The following PLSCR2 variants were observed in gnomAD, a reference collection of about 807,000 sequenced individuals.
The protein encoded by PLSCR2 is PL scramblase 2.
PLSCR2 carries 18 observed loss-of-function variants against 25.3 expected under a neutral mutation model. The ratio of observed to expected loss-of-function variants is 0.71; its 90% CI spans 0.49 to 1.06. PLSCR2 has a LOEUF of 1.06. Among genes scored for constraint, PLSCR2 ranks in the 50% least tolerant of loss-of-function variants. The pLI, the probability that PLSCR2 is intolerant of heterozygous loss-of-function variation, is 0.00. For synonymous variants in PLSCR2, 88 were observed against 87.3 expected, an observed-to-expected ratio of 1.01 and a Z score of -0.04; for missense variants, 243 against 269.5, an observed-to-expected ratio of 0.90 and a Z score of 0.69.
At chr3:146,393,721 A>G (rs1051930950) in intron 3 of PLSCR2, among the ~76,000 whole-genome samples, 1 of 146,976 alleles carries the variant, frequency 6.8e-6, no homozygotes, top group African/African-American at 2.5e-5. Flanking sequence ...AGGCAGGAGA[A>G]TCGCTTGAAC....
intron 2 of PLSCR2, among the ~76,000 whole-genome samples, chr3:146,406,661 G>A (rs1371563844): frequency 1.3e-5 from 2 of 152,148 alleles, no homozygotes; most frequent in Non-Finnish European, 2.9e-5. Flanking sequence ...CTAGGCCTGG[G>A]GACCTATGTT....
chr3:146,486,900 A>G (rs519729), intron 1 of PLSCR2, among the ~76,000 whole-genome samples: 54,992 of 151,902 alleles, frequency 0.36, 10,440 homozygotes, highest in African/African-American at 0.49. Flanking sequence ...GATGAACATC[A>G]AGGCTAAAAT....
chr3:146,435,647 A>G (rs964970588), intron 8 of PLSCR2, among the ~76,000 whole-genome samples: 3 of 152,070 alleles, frequency 2.0e-5, no homozygotes, highest in Non-Finnish European at 4.4e-5. Flanking sequence ...AATTTGTTTA[A>G]GTTCTTTGTA....
intron 8 of PLSCR2, among the ~76,000 whole-genome samples, chr3:146,434,692 C>T (rs13068178): frequency 0.59 from 89,538 of 151,828 alleles, 26,666 homozygotes; most frequent in South Asian, 0.76. Flanking sequence ...AGTCATTTCA[C>T]TTTGTTTTAT....
chr3:146,401,652 T>C (rs115228817), intron 2 of PLSCR2: 18 of 152,580 alleles, frequency 1.2e-4, no homozygotes, highest in African/African-American at 4.1e-4. Context: ...GGAAATTATA[T>C]TGGATAATAA....
At chr3:146,411,720 G>T (rs1327562317) in intron 2 of PLSCR2, among the ~76,000 whole-genome samples, 1 of 152,186 alleles carries the variant, frequency 6.6e-6, no homozygotes, top group Non-Finnish European at 1.5e-5. Context: ...CCGAAGAAGG[G>T]GCTAGATTTT....
intron 8 of PLSCR2, among the ~76,000 whole-genome samples, chr3:146,435,599 G>A (rs189292785): frequency 0.012 from 1,825 of 152,180 alleles, 19 homozygotes; most frequent in Non-Finnish European, 0.021. Context: ...CATATCCTTC[G>A]CCCACTTTTT....
upstream of PLSCR2, among the ~76,000 whole-genome samples, chr3:146,461,000 A>T (rs532078921): frequency 3.3e-4 from 50 of 152,354 alleles, no homozygotes; most frequent in African/African-American, 8.9e-4. Flanking sequence ...AAGTAAAAAA[A>T]TCAACAGAGT....
upstream of PLSCR2, chr3:146,461,836 G>T: frequency 2.1e-6 from 2 of 953,002 alleles, no homozygotes; most frequent in Non-Finnish European, 3.3e-6. Context: ...ATAATTACTG[G>T]AGGAATTTAA....
At chr3:146,477,629 C>T (rs561251749) in intron 1 of PLSCR2, among the ~76,000 whole-genome samples, 19 of 152,332 alleles carry the variant, frequency 1.2e-4, no homozygotes, top group South Asian at 6.2e-4. Flanking sequence ...GGCCTACAGC[C>T]TCTATAGATT....
downstream of PLSCR2, among the ~76,000 whole-genome samples, chr3:146,430,578 C>T (rs763671816): frequency 1.3e-5 from 2 of 152,172 alleles, no homozygotes; most frequent in Non-Finnish European, 2.9e-5. Flanking sequence ...ACTAATGTTA[C>T]AGTAGCTCCT....
At chr3:146,467,424 T>C (rs937566566) in intron 1 of PLSCR2, among the ~76,000 whole-genome samples, 1 of 152,136 alleles carries the variant, frequency 6.6e-6, no homozygotes, top group African/African-American at 2.4e-5. Flanking sequence ...ATTTACATGA[T>C]ATGTAAATTT....
At chr3:146,491,139 G>A (rs1372131815) in intron 1 of PLSCR2, among the ~76,000 whole-genome samples, 1 of 151,986 alleles carries the variant, frequency 6.6e-6, no homozygotes, top group Non-Finnish European at 1.5e-5. Flanking sequence ...TTCTTGGTTG[G>A]AATTTCTTTT....
At chr3:146,394,775 A>C (rs1046479428) in intron 3 of PLSCR2, among the ~76,000 whole-genome samples, 3 of 152,218 alleles carry the variant, frequency 2.0e-5, no homozygotes, top group African/African-American at 7.2e-5. Context: ...CTTGAATTAT[A>C]ATCCCTATGT....
exon 4 of PLSCR2, chr3:146,455,268 A>T (rs2041142126): frequency 6.2e-7 from 1 of 1,613,860 alleles, no homozygotes; most frequent in African/African-American, 1.3e-5. Flanking sequence ...CAACAACAAC[A>T]GTTACATCTT....
chr3:146,495,440 A>C (rs977717725), intron 1 of PLSCR2, among the ~76,000 whole-genome samples: 1 of 152,222 alleles, frequency 6.6e-6, no homozygotes, highest in Admixed American at 6.5e-5. Context: ...TATCTTTCTG[A>C]AATTAATATG....
chr3:146,414,657 AATACTC>A (rs997566747), intron 2 of PLSCR2, among the ~76,000 whole-genome samples: 8 of 152,308 alleles, frequency 5.3e-5, no homozygotes, highest in East Asian at 3.9e-4. Flanking sequence ...ACATAAAAGA[AATACTC>A]ATACTAAGTC....
chr3:146,411,640 C>T (rs1432171714), intron 2 of PLSCR2, among the ~76,000 whole-genome samples: 3 of 152,172 alleles, frequency 2.0e-5, no homozygotes, highest in Non-Finnish European at 4.4e-5. Context: ...AAACGCCACA[C>T]TTTGAGATGA....
At position 146,459,544 on chromosome 3, in the gene PLSCR2, A is replaced by G. The variant is rs79831738; in HGVS notation, c.57+304T>C. On this transcript the variant is annotated intron_variant, in intron 2 of 6. Coordinates refer to ENST00000610787, the Ensembl canonical transcript of PLSCR2. ...CTGTAAAGATTAAGTGAGGTAATAC[A>G]TGTATTATGCTTAGAACAAAACCTA... Among the ~76,000 whole-genome samples the G allele has an allele frequency of 2.2e-3, 331 of 152,334 alleles. 1 individual carries two copies. Among genetic ancestry groups the G allele is most frequent in the African/African-American group, 7.6e-3 (314 of 41,584 alleles).
Sources: allele counts gnomAD v4.1 joint callset (sites outside exome capture counted in the v4.1 genomes callset), GRCh38; gene constraint gnomAD v4.1.1; transcripts MANE v1.5; gene names NCBI Gene and HGNC (gene_info 2026-07-23, HGNC 2026-07-21).